Variants in TMEM232 observed in about 807,000 individuals in gnomAD.
TMEM232 encodes the protein transmembrane protein 232.
TMEM232 carries 80 observed loss-of-function variants against 78.8 expected under a neutral mutation model. The ratio of observed to expected loss-of-function variants is 1.01; its 90% CI spans 0.85 to 1.22. The LOEUF (loss-of-function observed/expected upper bound fraction) is 1.22, where lower values mean the gene tolerates loss of function less well. Among genes scored for constraint, TMEM232 ranks in the 50% most tolerant of loss-of-function variants. The pLI is 0.00. For synonymous variants in TMEM232, 297 were observed against 254.3 expected, an observed-to-expected ratio of 1.17 and a Z score of -1.60; for missense variants, 881 against 742.2, an observed-to-expected ratio of 1.19 and a Z score of -2.17.
intron 8 of TMEM232, among the ~76,000 whole-genome samples, chr5:110,610,856 G>T (rs1489151502): frequency 1.3e-5 from 2 of 152,044 alleles, no homozygotes; most frequent in African/African-American, 2.4e-5. Context: ...AGAGAAAAAA[G>T]AAATGGTGAT....
At chr5:110,709,780 A>G (rs1394874281) in intron 1 of TMEM232, among the ~76,000 whole-genome samples, 1 of 152,078 alleles carries the variant, frequency 6.6e-6, no homozygotes, top group Non-Finnish European at 1.5e-5. Context: ...ACATCAAAAA[A>G]GAAGAAACAC....
At position 110,625,441 on chromosome 5, in the gene TMEM232, A is replaced by G. The variant is rs749349641; in HGVS notation, c.602-8T>C. ...CTCCAGAGAAAGAAAGTGCTATTGTAAGAAAAATCATCTGTGAGAAATAAT... is the reference window on the plus strand; with the variant it reads ...CTCCAGAGAAAGAAAGTGCTATTGTGAGAAAAATCATCTGTGAGAAATAAT... On this transcript the variant is annotated splice_polypyrimidine_tract_variant and splice_region_variant and intron_variant, in intron 6 of 13. Transcript: ENST00000455884. The G allele has an allele frequency of 2.0e-6, 3 of 1,496,776 alleles. No homozygotes were observed. In the South Asian group the frequency reaches 4.0e-5, roughly 20 times the overall value. The allele number at this position is 1,496,776 out of a possible 1,614,324, so 92.7% of individuals were successfully genotyped here.
intron 12 of TMEM232, among the ~76,000 whole-genome samples, chr5:110,473,437 G>T (rs79370067): frequency 0.021 from 3,150 of 151,782 alleles, 75 homozygotes; most frequent in African/African-American, 0.059. Context: ...GATAAGTGTT[G>T]CCAAGGATGT....
At chr5:110,392,998 T>C (rs976862414) in intron 3 of TMEM232, among the ~76,000 whole-genome samples, 2 of 152,246 alleles carry the variant, frequency 1.3e-5, no homozygotes, top group East Asian at 3.8e-4. Context: ...TAGTTCTCTC[T>C]CATTGACTAC....
Position 110,605,265 on chromosome 5 carries a change from T to C in TMEM232, c.1120A>G (p.Thr374Ala). ...AAAGCAGTTTTTCGCAAATCAGAAGTGGCTGCATACAAGCAGATTTCTGCA... is the reference window on the plus strand; with the variant it reads ...AAAGCAGTTTTTCGCAAATCAGAAGCGGCTGCATACAAGCAGATTTCTGCA... ...ILAEICLYAATSDLRKTALIG... is the reference protein window; with the variant it reads ...ILAEICLYAAASDLRKTALIG... Residue 374 changes from threonine to alanine, a missense_variant, in exon 10 of 14, where the codon ACT becomes GCT. Coordinates refer to ENST00000455884, the MANE Select transcript of TMEM232 (RefSeq NM_001039763.4). 2.6e-6 allele frequency: 4 copies of C among 1,551,286 alleles called. No individual in the cohort carries two copies. Among genetic ancestry groups the C allele is most frequent in the Non-Finnish European group, 3.5e-6 (4 of 1,146,736 alleles).
intron 8 of TMEM232, among the ~76,000 whole-genome samples, chr5:110,615,351 T>C (rs776269763): frequency 6.6e-6 from 1 of 151,972 alleles, no homozygotes; most frequent in Non-Finnish European, 1.5e-5. Flanking sequence ...TATGTGGCAA[T>C]TGCATTTTCA....
At chr5:110,402,809 C>T (rs1201599918) in intron 2 of TMEM232, among the ~76,000 whole-genome samples, 2 of 151,996 alleles carry the variant, frequency 1.3e-5, no homozygotes, top group Non-Finnish European at 2.9e-5. Flanking sequence ...GGTCAGTGTA[C>T]CTTGATTGAC....
At chr5:110,515,501 C>A (rs898288833) in intron 12 of TMEM232, among the ~76,000 whole-genome samples, 1 of 152,160 alleles carries the variant, frequency 6.6e-6, no homozygotes, top group Non-Finnish European at 1.5e-5. Context: ...AGTTTACACT[C>A]TTATAAGAAG....
At chr5:110,535,732 T>G (rs1460168174) in intron 11 of TMEM232, among the ~76,000 whole-genome samples, 1 of 152,070 alleles carries the variant, frequency 6.6e-6, no homozygotes, top group African/African-American at 2.4e-5. Flanking sequence ...AGTAAACAAA[T>G]GGACCAAAAA....
At chr5:110,461,879 A>G (rs963014759) in intron 12 of TMEM232, among the ~76,000 whole-genome samples, 4 of 152,270 alleles carry the variant, frequency 2.6e-5, no homozygotes, top group Non-Finnish European at 5.9e-5. Context: ...TTTAGGAACT[A>G]CTGTTCCTAA....
chr5:110,493,005 T>C (rs1023616286), intron 12 of TMEM232, among the ~76,000 whole-genome samples: 2 of 151,856 alleles, frequency 1.3e-5, no homozygotes, highest in Non-Finnish European at 2.9e-5. Context: ...CCAGGAGTCA[T>C]AGAAAAGGGG....
chr5:110,699,817 T>A (rs138031986), intron 1 of TMEM232, among the ~76,000 whole-genome samples: 1 of 152,126 alleles, frequency 6.6e-6, no homozygotes, highest in East Asian at 1.9e-4. Flanking sequence ...CAGCACTCTT[T>A]AGAGAAAAAA....
intron 1 of TMEM232, among the ~76,000 whole-genome samples, chr5:110,690,037 A>G (rs936720710): frequency 5.3e-5 from 8 of 152,238 alleles, no homozygotes; most frequent in African/African-American, 1.9e-4. Flanking sequence ...AAAACCTTAG[A>G]AGAAAACCTA....
intron 8 of TMEM232, among the ~76,000 whole-genome samples, chr5:110,616,053 CACAAAAACAG>C (rs983414394): frequency 6.6e-6 from 1 of 151,748 alleles, no homozygotes; most frequent in Non-Finnish European, 1.5e-5. Flanking sequence ...TGTTATTCTT[CACAAAAACAG>C]ACAAAAAATT....
intron 1 of TMEM232, among the ~76,000 whole-genome samples, chr5:110,707,820 G>C (rs965987093): frequency 3.3e-5 from 5 of 152,124 alleles, no homozygotes; most frequent in Admixed American, 6.6e-5. Context: ...TTGGATACCA[G>C]CTCAGCCACA....
At chr5:110,619,833 G>C (rs1430037006) in intron 7 of TMEM232, among the ~76,000 whole-genome samples, 1 of 151,790 alleles carries the variant, frequency 6.6e-6, no homozygotes. Context: ...AAGTTAATGG[G>C]TGCAGCACAC....
chr5:110,698,867 T>TA (rs1365019694), intron 1 of TMEM232, among the ~76,000 whole-genome samples: 5 of 152,090 alleles, frequency 3.3e-5, no homozygotes, highest in African/African-American at 1.2e-4. Context: ...CTCTTTTGTC[T>TA]GTACCAACCC....
chr5:110,660,798 C>T (rs1233110409), intron 2 of TMEM232, among the ~76,000 whole-genome samples: 3 of 152,006 alleles, frequency 2.0e-5, no homozygotes, highest in African/African-American at 7.2e-5. Flanking sequence ...ATTATAATAT[C>T]CATCAATCAC....
At chr5:110,581,242 C>T (rs1435243732) in intron 10 of TMEM232, among the ~76,000 whole-genome samples, 4 of 151,798 alleles carry the variant, frequency 2.6e-5, no homozygotes, top group Non-Finnish European at 5.9e-5. Context: ...AAGCCAGAGG[C>T]ATTACATTAA....
Sources: gnomAD v4.1 joint callset for allele counts (sites outside exome capture counted in the v4.1 genomes callset) on GRCh38, gnomAD v4.1.1 for gene constraint, MANE v1.5 for transcripts, NCBI Gene and HGNC (gene_info 2026-07-23, HGNC 2026-07-21) for gene names.